The following EMC2 variants were observed in gnomAD, a reference collection of about 807,000 sequenced individuals.
EMC2 encodes TPR repeat protein 35.
Under a neutral mutation model 51.6 loss-of-function variants are expected in EMC2, and 37 were observed. The ratio of observed to expected loss-of-function variants is 0.72; its 90% CI spans 0.55 to 0.94. EMC2 has a LOEUF of 0.94. EMC2 is among the 40% of genes least tolerant of loss of function. EMC2 has a pLI of 0.00. For synonymous variants in EMC2, 131 were observed against 112.4 expected, an observed-to-expected ratio of 1.17 and a Z score of -1.04; for missense variants, 359 against 350.9, an observed-to-expected ratio of 1.02 and a Z score of -0.18.
intron 7 of EMC2, among the ~76,000 whole-genome samples, chr8:108,472,843 T>TA (rs751034743): frequency 1.2e-3 from 176 of 152,020 alleles, no homozygotes; most frequent in Non-Finnish European, 2.1e-3. Flanking sequence ...TTTTTAAGTA[T>TA]AATAGGTCGC....
Position 108,488,123 on chromosome 8 carries a change from A to G in EMC2, c.*1525A>G, listed in dbSNP as rs1215953348. On this transcript the variant is annotated 3_prime_UTR_variant, in exon 11 of 11. Transcript: ENST00000220853. ...TTACTCTAGCAATTATATTTGTGTA[A>G]TAAGTAATTCAGTGCCTCTTATAGC... is the stretch of plus-strand genomic sequence containing the variant. Among the ~76,000 whole-genome samples, 1 of 151,658 alleles carries G rather than the reference A, an allele frequency of 6.6e-6. No homozygotes were observed. Among genetic ancestry groups the G allele is most frequent in the African/African-American group, 2.4e-5 (1 of 41,282 alleles).
chr8:108,456,001 T>TAAAA lies in EMC2; in HGVS notation c.363+72_363+73insAAAA. On this transcript the variant is annotated intron_variant, in intron 5 of 10. Transcript: ENST00000220853. Reference sequence around the variant, plus strand: ...AAGATAAAATTAATCGAGGAAATAATAGATACATAAGGAACTAGGTCTTAT... The same window carrying TAAAA: ...AAGATAAAATTAATCGAGGAAATAATAAAAAGATACATAAGGAACTAGGTCTTAT... 1.6e-5 allele frequency: 9 copies of TAAAA among 573,898 alleles called. No individual in the cohort carries two copies. In the South Asian group the frequency reaches 2.2e-4, roughly 14 times the overall value. 35.6% of individuals were successfully genotyped at this position (573,898 alleles called of 1,614,324 possible).
chr8:108,469,868 A>G lies in EMC2; in HGVS notation c.406A>G (p.Lys136Glu), dbSNP rs780736494. Residue 136 changes from lysine to glutamate, a missense_variant, in exon 6 of 11, where the codon AAA becomes GAA. Coordinates refer to ENST00000220853, the MANE Select transcript of EMC2 (RefSeq NM_014673.5). ...RKIAIRKAQG[K>E]NVEAIRELNE... is the part of the protein sequence containing the mutation. ...GATTGCCATTCGAAAAGCCCAGGGG[A>G]AAAATGTGGAGGCCATTCGGGAGCT... 2.5e-6 allele frequency: 4 copies of G among 1,612,428 alleles called. No homozygotes were observed. The highest frequency in any genetic ancestry group is 3.4e-6 in the Non-Finnish European group (4 of 1,178,632).
intron 10 of EMC2, among the ~76,000 whole-genome samples, chr8:108,480,231 T>C (rs1016208822): frequency 7.9e-5 from 12 of 152,116 alleles, no homozygotes; most frequent in African/African-American, 2.9e-4. Context: ...TTATTCATTT[T>C]CTTTCAAATT....
At chr8:108,460,583 T>C (rs897999232) in intron 5 of EMC2, among the ~76,000 whole-genome samples, 2 of 152,226 alleles carry the variant, frequency 1.3e-5, no homozygotes, top group African/African-American at 4.8e-5. Context: ...CTTAAAATAC[T>C]GTATAAAATT....
chr8:108,486,683 C>A lies in EMC2; in HGVS notation c.*85C>A. On this transcript the variant is annotated 3_prime_UTR_variant, in exon 11 of 11. Transcript: ENST00000220853. ...TAACTTATTTACTAAATGCTCAGTG[C>A]TATTTATATACTACAGTAATTTTCT... 7.6e-7 allele frequency: 1 copy of A among 1,322,316 alleles called. No individual in the cohort carries two copies. Among genetic ancestry groups the A allele is most frequent in the Non-Finnish European group, 1.0e-6 (1 of 974,468 alleles). The allele number at this position is 1,322,316 out of a possible 1,614,324, so 81.9% of individuals were successfully genotyped here.
At chr8:108,476,749 A>T in intron 8 of EMC2, 33 bp from the exon 9 acceptor site, 1 of 900,172 alleles carries the variant, frequency 1.1e-6, no homozygotes, top group African/African-American at 1.6e-5. Context: ...GTAGTAAAAT[A>T]AACAGTTTTC....
At chr8:108,443,782 G>T in intron 1 of EMC2, 84 bp downstream of exon 1, 1 of 1,220,558 alleles carries the variant, frequency 8.2e-7, no homozygotes, top group Non-Finnish European at 1.2e-6. Flanking sequence ...GGGGAGCTGG[G>T]TTCTCTGGTG....
chr8:108,463,965 C>T (rs559063216), intron 5 of EMC2: 11 of 152,626 alleles, frequency 7.2e-5, no homozygotes, highest in African/African-American at 2.6e-4. Flanking sequence ...ACCTGGAACA[C>T]CAGTGTCACT....
chr8:108,479,174 C>A (rs1036072617), intron 10 of EMC2, 64 bp downstream of exon 10: 2 of 820,114 alleles, frequency 2.4e-6, no homozygotes, highest in Non-Finnish European at 3.7e-6. Context: ...TTTGTTACTA[C>A]AAACTACAAA....
At chr8:108,486,127 C>T (rs1811133281) in intron 10 of EMC2, among the ~76,000 whole-genome samples, 1 of 151,894 alleles carries the variant, frequency 6.6e-6, no homozygotes, top group African/African-American at 2.4e-5. Context: ...GTTTAGACAT[C>T]AGACAAGTGG....
chr8:108,458,657 C>T (rs929750412), intron 5 of EMC2, among the ~76,000 whole-genome samples: 1 of 152,102 alleles, frequency 6.6e-6, no homozygotes, highest in African/African-American at 2.4e-5. Flanking sequence ...CTAGGTTGCA[C>T]ACTGCACGGG....
Position 108,487,066 on chromosome 8 carries a change from G to A in EMC2, c.*468G>A, listed in dbSNP as rs915993683. ...TTATTTTGACTTTGTTTATATTGTC[G>A]AATTGGATTTTGCTGTACATTCCAG... On this transcript the variant is annotated 3_prime_UTR_variant, in exon 11 of 11. Transcript: ENST00000220853. The A allele has an allele frequency of 3.3e-5, 5 of 152,096 alleles. No homozygotes were observed. Among genetic ancestry groups the A allele is most frequent in the African/African-American group, 1.2e-4 (5 of 41,400 alleles). 9.4% of individuals were successfully genotyped at this position (152,096 alleles called of 1,614,324 possible).
intron 1 of EMC2, chr8:108,446,163 G>T (rs1818873573): frequency 4.2e-6 from 1 of 235,664 alleles, no homozygotes; most frequent in South Asian, 4.8e-5. Flanking sequence ...TATCCTCAGT[G>T]CCCAGATCAG....
At chr8:108,457,825 A>G (rs1203800478) in intron 5 of EMC2, among the ~76,000 whole-genome samples, 2 of 152,226 alleles carry the variant, frequency 1.3e-5, no homozygotes, top group Admixed American at 1.3e-4. Flanking sequence ...TTCAAAACCA[A>G]TCATGCCTTC....
intron 1 of EMC2, 42 bp downstream of exon 1, chr8:108,443,740 TG>T: frequency 6.5e-7 from 1 of 1,549,102 alleles, no homozygotes; most frequent in Non-Finnish European, 8.8e-7. Flanking sequence ...CTAAAAGCGC[TG>T]GGAAGCCGTT....
intron 7 of EMC2, chr8:108,474,836 G>A (rs533746667): frequency 2.6e-5 from 4 of 152,010 alleles, no homozygotes; most frequent in African/African-American, 7.2e-5. Flanking sequence ...CTCAGCTCTA[G>A]CATGTTGATA....
chr8:108,461,949 C>T (rs1259381694), intron 5 of EMC2, among the ~76,000 whole-genome samples: 1 of 152,070 alleles, frequency 6.6e-6, no homozygotes, highest in African/African-American at 2.4e-5. Flanking sequence ...GCTGGGACTA[C>T]AGGCACGTGC....
At chr8:108,455,786 A>G (rs1819136259) in intron 4 of EMC2, 87 bp from the exon 5 acceptor site, 4 of 531,394 alleles carry the variant, frequency 7.5e-6, no homozygotes, top group African/African-American at 2.0e-5. Flanking sequence ...AAAATATTAA[A>G]GCCAGTTTAA....
Sources: gnomAD v4.1 joint callset for allele counts (sites outside exome capture counted in the v4.1 genomes callset) on GRCh38, gnomAD v4.1.1 for gene constraint, MANE v1.5 for transcripts, NCBI Gene and HGNC (gene_info 2026-07-23, HGNC 2026-07-21) for gene names.